ARAP2: variants seen among roughly 807,000 people sequenced by gnomAD.
The protein encoded by ARAP2 is ArfGAP with RhoGAP domain, ankyrin repeat and PH domain 2, also known as arf-GAP with Rho-GAP domain, ANK repeat and PH domain-containing protein 2.
Under a neutral mutation model 194.5 loss-of-function variants are expected in ARAP2, and 148 were observed. The ratio of observed to expected loss-of-function variants is 0.76; its 90% confidence interval spans 0.67 to 0.87. The LOEUF (loss-of-function observed/expected upper bound fraction) is 0.87. ARAP2 is among the 40% of genes least tolerant of loss of function. The pLI is 0.00. For missense variants in ARAP2, 2,128 were observed against 1,989.7 expected (o/e 1.07, Z -1.32); for synonymous variants, 695 against 683.5 (o/e 1.02, Z -0.26).
chr4:36,101,001 G>C (rs1394291988), intron 27 of ARAP2, among the ~76,000 whole-genome samples: 1 of 151,762 alleles, frequency 6.6e-6, no homozygotes, highest in Non-Finnish European at 1.5e-5. Context: ...AAAAATGTTT[G>C]AAAAACCAAA....
chr4:36,126,554 G>A (rs905315757), intron 21 of ARAP2, among the ~76,000 whole-genome samples: 1 of 151,974 alleles, frequency 6.6e-6, no homozygotes, highest in East Asian at 1.9e-4. Context: ...CATCAAAAGA[G>A]TTTTATGAAT....
intron 11 of ARAP2, among the ~76,000 whole-genome samples, chr4:36,162,604 C>CTTTTTTT: frequency 7.0e-6 from 1 of 142,564 alleles, no homozygotes; most frequent in African/African-American, 2.6e-5. Context: ...AAGTTCTTGT[C>CTTTTTTT]TTTTTTTTTT....
chr4:36,050,433 C>G (rs1364347434), intron 3 of ARAP2, among the ~76,000 whole-genome samples: 1 of 152,066 alleles, frequency 6.6e-6, no homozygotes. Context: ...AGCACAAAAA[C>G]CTAGAAAAAC....
chr4:36,129,371 T>C (rs976882353), intron 20 of ARAP2, among the ~76,000 whole-genome samples: 2 of 151,918 alleles, frequency 1.3e-5, no homozygotes, highest in Non-Finnish European at 2.9e-5. Flanking sequence ...TTTCTATATT[T>C]ATTCTTTCTA....
At chr4:36,148,567 T>C in intron 16 of ARAP2, 60 bp from the exon 17 acceptor site, 1 of 1,191,018 alleles carries the variant, frequency 8.4e-7, no homozygotes, top group South Asian at 1.3e-5. Context: ...AGAAAATGAA[T>C]AACACAAAGG....
downstream of ARAP2, among the ~76,000 whole-genome samples, chr4:36,061,223 C>T (rs1724383144): frequency 6.6e-6 from 1 of 151,982 alleles, no homozygotes; most frequent in African/African-American, 2.4e-5. Context: ...TCCAGTTATA[C>T]TCTTTTAGTT....
intron 20 of ARAP2, 141 bp downstream of exon 20, chr4:36,133,085 C>G: frequency 2.7e-6 from 2 of 752,792 alleles, no homozygotes; most frequent in Non-Finnish European, 4.0e-6. Flanking sequence ...ATTAGCTGAA[C>G]AGTAAATCTG....
At chr4:36,238,666 C>A (rs1752897975) in intron 1 of ARAP2, among the ~76,000 whole-genome samples, 1 of 152,136 alleles carries the variant, frequency 6.6e-6, no homozygotes, top group Non-Finnish European at 1.5e-5. Flanking sequence ...CGTGGCTAAA[C>A]CTGGAAGCCT....
chr4:36,080,437 T>C (rs1423108171), intron 30 of ARAP2, among the ~76,000 whole-genome samples, 158 bp from the exon 31 acceptor site: 1 of 152,228 alleles, frequency 6.6e-6, no homozygotes, highest in Admixed American at 6.5e-5. Context: ...CAAGTTGTTT[T>C]GGTCTTCTGC....
At chr4:36,227,639 AAG>A (rs1179292451) in intron 2 of ARAP2, among the ~76,000 whole-genome samples, 3 of 152,144 alleles carry the variant, frequency 2.0e-5, no homozygotes, top group African/African-American at 7.2e-5. Context: ...CATGGGGGGA[AAG>A]AGGAATCCTG....
chr4:36,150,369 G>T (rs1300699819), intron 16 of ARAP2, among the ~76,000 whole-genome samples: 1 of 152,136 alleles, frequency 6.6e-6, no homozygotes, highest in African/African-American at 2.4e-5. Flanking sequence ...GATTTGGCCA[G>T]GCACGGTGGC....
intron 19 of ARAP2, 30 bp downstream of exon 19, chr4:36,147,266 A>T: frequency 6.3e-7 from 1 of 1,595,352 alleles, no homozygotes; most frequent in Non-Finnish European, 8.6e-7. Context: ...AGTTGTTGAG[A>T]TAAGGAATAA....
At chr4:36,079,318 A>T (rs1283327144) in intron 31 of ARAP2, among the ~76,000 whole-genome samples, 2 of 152,136 alleles carry the variant, frequency 1.3e-5, no homozygotes, top group East Asian at 1.9e-4. Context: ...GGCTGAGAAG[A>T]GCTGTGTTTA....
chr4:36,081,752 G>C (rs1049823483), intron 30 of ARAP2, among the ~76,000 whole-genome samples: 2 of 151,892 alleles, frequency 1.3e-5, no homozygotes, highest in Non-Finnish European at 2.9e-5. Context: ...AGGTGGAGGA[G>C]GGGCACAAGG....
In ARAP2 at chr4:36,158,839, G is replaced by C; in HGVS notation, c.2643C>G (p.Ser881=). The change falls in exon 15 of 33, where the codon TCC becomes TCG. Residue 881 remains serine (S), a synonymous_variant. Coordinates refer to ENST00000303965, the MANE Select transcript of ARAP2 (RefSeq NM_015230.4). ...AAGACTCTTGACTTAATACACCCTC[G>C]GAATGAATATCATGTTGAGGGAAAT... is the stretch of plus-strand genomic sequence containing the variant. The part of the protein sequence containing the change: ...FSDFPQHDIH[S]EGVLSQESSQ... 1 of 1,601,962 alleles carries C rather than the reference G, an allele frequency of 6.2e-7. No homozygotes were observed. The highest frequency in any genetic ancestry group is 8.5e-7 in the Non-Finnish European group (1 of 1,176,524).
intron 5 of ARAP2, among the ~76,000 whole-genome samples, chr4:36,022,997 T>G (rs914961501): frequency 6.6e-6 from 1 of 152,220 alleles, no homozygotes; most frequent in African/African-American, 2.4e-5. Flanking sequence ...TTTGGATTTG[T>G]GTTTATCATA....
intron 26 of ARAP2, among the ~76,000 whole-genome samples, chr4:36,112,927 A>G (rs1314505949): frequency 2.0e-5 from 3 of 151,954 alleles, no homozygotes; most frequent in Admixed American, 2.0e-4. Flanking sequence ...AGATTATCTA[A>G]TAATAATAAA....
At chr4:36,217,888 AAT>A (rs1180460634) in intron 2 of ARAP2, among the ~76,000 whole-genome samples, 42 of 151,790 alleles carry the variant, frequency 2.8e-4, no homozygotes, top group African/African-American at 9.7e-4. Context: ...ATACTAGATA[AAT>A]ATGACAATAC....
At position 36,128,753 on chromosome 4, in the gene ARAP2, T is replaced by TA. The variant is rs5857473; in HGVS notation, c.3428-9dup. The TA allele has an allele frequency of 8.4e-5, 119 of 1,409,156 alleles. No homozygotes were observed. Among genetic ancestry groups the TA allele is most frequent in the Admixed American group, 2.3e-4 (11 of 47,980 alleles). The allele number at this position is 1,409,156 out of a possible 1,614,324, so 87.3% of individuals were successfully genotyped here. A position where few individuals can be genotyped will look rare whatever the true frequency, so the allele number is the denominator to read the frequency against. On this transcript the variant is annotated splice_polypyrimidine_tract_variant and intron_variant, in intron 20 of 32. Transcript: ENST00000303965. ...TATATTTGCATCCTAAACCTTTGTT[T>TA]AAAAAAAAAAAGTTATACTTTAAAA...
Sources: gnomAD v4.1 joint callset for allele counts (sites outside exome capture counted in the v4.1 genomes callset) on GRCh38, gnomAD v4.1.1 for gene constraint, MANE v1.5 for transcripts, NCBI Gene and HGNC (gene_info 2026-07-23, HGNC 2026-07-21) for gene names.